ADCY7: variants seen among roughly 807,000 people sequenced by gnomAD.
ADCY7 encodes adenylate cyclase 7.
In ADCY7, 72 loss-of-function variants were observed where a neutral mutation model predicts 120.6. That is an observed-to-expected ratio of 0.60 (90% CI 0.49 to 0.73). The LOEUF (loss-of-function observed/expected upper bound fraction) is 0.73, where lower values mean the gene tolerates loss of function less well. Among genes scored for constraint, ADCY7 ranks in the 30% least tolerant of loss-of-function variants. ADCY7 has a pLI of 0.00. For missense variants in ADCY7, 1,227 were observed against 1,486.0 expected (o/e 0.83, Z 2.87); for synonymous variants, 661 against 628.0 (o/e 1.05, Z -0.78).
chr16:50,292,935 C>G, intron 5 of ADCY7, 110 bp downstream of exon 5: 1 of 1,410,024 alleles, frequency 7.1e-7, no homozygotes, highest in Non-Finnish European at 9.7e-7. Context: ...GCCAGACACC[C>G]ATGCAGGTCT....
At chr16:50,314,839 C>T in intron 24 of ADCY7, 175 bp from the exon 25 acceptor site, 1 of 764,804 alleles carries the variant, frequency 1.3e-6, no homozygotes, top group South Asian at 2.1e-5. Flanking sequence ...GGGGAATGCC[C>T]TCCTCATACC....
At chr16:50,266,907 C>T (rs1370071557) in intron 1 of ADCY7, among the ~76,000 whole-genome samples, 2 of 152,134 alleles carry the variant, frequency 1.3e-5, no homozygotes, top group Admixed American at 6.5e-5. Context: ...ACTGGCTTTT[C>T]CCAGCCTGAC....
chr16:50,285,536 C>T lies in ADCY7; in HGVS notation c.-268-2376C>T, dbSNP rs138033206. ...GGGGCTCACCTGGCCATCTTCCCTC[C>T]GCTGGACCAGCTGTCCTTTGAAGCT... On this transcript the variant is annotated intron_variant, in intron 1 of 25. Coordinates refer to ENST00000673801, the MANE Select transcript of ADCY7 (RefSeq NM_001114.5). Among the ~76,000 whole-genome samples, 258 of 152,324 alleles carry T rather than the reference C, an allele frequency of 1.7e-3. 5 individuals are homozygous for T. The highest frequency in any genetic ancestry group is 5.8e-3 in the African/African-American group (243 of 41,578).
At chr16:50,251,397 C>T (rs1240619542) in intron 1 of ADCY7, among the ~76,000 whole-genome samples, 4 of 152,156 alleles carry the variant, frequency 2.6e-5, no homozygotes, top group Admixed American at 1.3e-4. Context: ...GTATGGGCAA[C>T]GTGTGTCCCA....
chr16:50,305,490 T>A lies in ADCY7; in HGVS notation c.1596-13T>A. On this transcript the variant is annotated splice_polypyrimidine_tract_variant and intron_variant, in intron 12 of 25. Transcript: ENST00000673801. Reference sequence around the variant, plus strand: ...GTCGCTGTGCTGATGCAGTTGTGGGTATCTGATTCCAGAAGCATGTCCCCC... The same window carrying A: ...GTCGCTGTGCTGATGCAGTTGTGGGAATCTGATTCCAGAAGCATGTCCCCC... The A allele has an allele frequency of 6.2e-7, 1 of 1,612,396 alleles. No individual in the cohort carries two copies. Among genetic ancestry groups the A allele is most frequent in the South Asian group, 1.1e-5 (1 of 90,876 alleles).
At chr16:50,312,416 A>G (rs945235794) in intron 21 of ADCY7, among the ~76,000 whole-genome samples, 1 of 152,184 alleles carries the variant, frequency 6.6e-6, no homozygotes, top group Non-Finnish European at 1.5e-5. Context: ...TTGCTTTCCC[A>G]GGCCTTGGTC....
chr16:50,255,273 G>A (rs1049512453), intron 1 of ADCY7, among the ~76,000 whole-genome samples: 2 of 150,918 alleles, frequency 1.3e-5, no homozygotes, highest in African/African-American at 2.4e-5. Context: ...CACCAGCCTA[G>A]GTGACAGAGT....
Position 50,308,377 on chromosome 16 carries a change from T to G in ADCY7, c.1901T>G (p.Leu634Arg). The G allele has an allele frequency of 6.2e-7, 1 of 1,614,042 alleles. No homozygotes were observed. The highest frequency in any genetic ancestry group is 8.5e-7 in the Non-Finnish European group (1 of 1,179,988). The change falls in exon 16 of 26, where the codon CTG becomes CGG. Residue 634 changes from leucine (L) to arginine (R), a missense_variant. Leu to Arg is a moderately radical substitution (Grantham distance 102). This residue lies in a region of ADCY7 where 267 missense variants were observed against 270.0 expected (regional missense o/e 0.99). Coordinates refer to ENST00000673801, the MANE Select transcript of ADCY7 (RefSeq NM_001114.5). ...GGGCTGGTGGCCTGTGTACTGGGGC[T>G]GGTGCTGGGCCTGTGCTTTGCCACC... ...SFGLVACVLG[L>R]VLGLCFATKF...
chr16:50,245,644 A>T (rs981975643), upstream of ADCY7, among the ~76,000 whole-genome samples: 1 of 151,986 alleles, frequency 6.6e-6, no homozygotes, highest in Non-Finnish European at 1.5e-5. Context: ...TAGGAGGTTA[A>T]GGCCTGAGTG....
chr16:50,289,457 T>C (rs1049667126), intron 2 of ADCY7: 1 of 300,822 alleles, frequency 3.3e-6, no homozygotes, highest in South Asian at 2.4e-5. Flanking sequence ...AAGTGGGTAA[T>C]GTGACTGAGG....
At chr16:50,262,476 G>A (rs12921262), upstream of ADCY7, among the ~76,000 whole-genome samples, 81,585 of 151,094 alleles carry the variant, frequency 0.54, 22,081 homozygotes, top group East Asian at 0.67. Context: ...TCAGGCGCCT[G>A]CCCTCAAGCC....
At chr16:50,269,252 A>G (rs1384582422) in intron 1 of ADCY7, among the ~76,000 whole-genome samples, 1 of 152,208 alleles carries the variant, frequency 6.6e-6, no homozygotes, top group Non-Finnish European at 1.5e-5. Context: ...ATCGGTCCTC[A>G]GGCATCCAGT....
chr16:50,291,609 G>GT, intron 3 of ADCY7, 127 bp from the exon 4 acceptor site: 1 of 1,024,884 alleles, frequency 9.8e-7, no homozygotes, highest in Non-Finnish European at 1.5e-6. Context: ...GTCTGCCCAC[G>GT]CAGGGGGTGG....
intron 1 of ADCY7, among the ~76,000 whole-genome samples, chr16:50,272,417 C>A (rs191727280): frequency 6.6e-6 from 1 of 152,200 alleles, no homozygotes; most frequent in African/African-American, 2.4e-5. Context: ...CTGCCTCGGG[C>A]GCAGCTGACT....
chr16:50,313,082 GGA>G (rs2036574433), intron 22 of ADCY7, 46 bp downstream of exon 22: 1 of 1,608,492 alleles, frequency 6.2e-7, no homozygotes, highest in East Asian at 2.2e-5. Context: ...CACCCATGCT[GGA>G]GAGGGAAGGG....
chr16:50,304,777 A>T, intron 11 of ADCY7, 148 bp from the exon 12 acceptor site: 1 of 1,145,828 alleles, frequency 8.7e-7, no homozygotes. Flanking sequence ...GACCACGCTC[A>T]GCTATAGTCA....
At chr16:50,292,499 A>G in intron 4 of ADCY7, 177 bp from the exon 5 acceptor site, 1 of 715,272 alleles carries the variant, frequency 1.4e-6, no homozygotes, top group Non-Finnish European at 2.3e-6. Flanking sequence ...ACTCACTAGG[A>G]GACTAGCTCC....
At chr16:50,244,908 G>T (rs1312010427), upstream of ADCY7, among the ~76,000 whole-genome samples, 6 of 138,612 alleles carry the variant, frequency 4.3e-5, no homozygotes, top group African/African-American at 1.5e-4. Flanking sequence ...TGACCAGCGC[G>T]GGAAGCCGAG....
At position 50,247,049 on chromosome 16, in the gene ADCY7, T is replaced by TTGAA. The variant is rs112588197; in HGVS notation, c.-64+873_-64+876dup. Among the ~76,000 whole-genome samples, 1,493 of 152,028 alleles carry TTGAA rather than the reference T, an allele frequency of 9.8e-3. 12 individuals carry two copies. Among genetic ancestry groups the TTGAA allele is most frequent in the South Asian group, 0.026 (126 of 4,816 alleles). ...CTGGTCCAGAGTGATGCTCCAGAGA[T>TTGAA]TGAATGAATGAATGAATGAATGAAT... is the stretch of plus-strand genomic sequence containing the variant. On this transcript the variant is annotated intron_variant, in intron 1 of 4. Coordinates refer to the ADCY7 transcript ENST00000564044.
Sources: gnomAD v4.1 joint callset for allele counts (sites outside exome capture counted in the v4.1 genomes callset) on GRCh38, gnomAD v4.1.1 for gene constraint, gnomAD v4.1.1 regional missense constraint, MANE v1.5 for transcripts, NCBI Gene and HGNC (gene_info 2026-07-23, HGNC 2026-07-21) for gene names.